Variants in PIEZO2 observed in about 807,000 individuals in gnomAD.
PIEZO2 encodes piezo-type mechanosensitive ion channel component 2.
Under a neutral mutation model 337.3 loss-of-function variants are expected in PIEZO2, and 172 were observed. The observed-to-expected ratio is 0.51, with a 90% CI of 0.45 to 0.58. PIEZO2 has a LOEUF of 0.58. PIEZO2 is among the 20% of genes least tolerant of loss of function. The pLI is 0.00. For synonymous variants in PIEZO2, 1,251 were observed against 1,228.5 expected (o/e 1.02, Z -0.38); for missense variants, 3,028 against 3,391.3 (o/e 0.89, Z 2.66).
chr18:10,691,524 G>T, intron 47 of PIEZO2, 141 bp from the exon 48 acceptor site: 1 of 844,898 alleles, frequency 1.2e-6, no homozygotes. Flanking sequence ...TCTACACATA[G>T]TGGATCACTT....
At position 11,002,189 on chromosome 18, in the gene PIEZO2, T is replaced by C. The variant is rs2035568864; in HGVS notation, c.161-22529A>G. Among the ~76,000 whole-genome samples, 1 of 152,220 alleles carries C rather than the reference T, an allele frequency of 6.6e-6. No homozygotes were observed. Among genetic ancestry groups the C allele is most frequent in the African/African-American group, 2.4e-5 (1 of 41,468 alleles). On this transcript the variant is annotated intron_variant, in intron 2 of 55. Transcript: ENST00000674853. This position sits in a 1 kb window ranked among gnomAD's most constrained non-coding sequence, Gnocchi z 4.3. ...ACATTTGAATTTCAGATAACTTTCATGCGCCACAAATAATTAATATTTTTC... is the reference window on the plus strand; with the variant it reads ...ACATTTGAATTTCAGATAACTTTCACGCGCCACAAATAATTAATATTTTTC...
intron 4 of PIEZO2, among the ~76,000 whole-genome samples, chr18:10,874,318 G>T (rs2042215019): frequency 6.6e-6 from 1 of 151,802 alleles, no homozygotes; most frequent in South Asian, 2.1e-4. Flanking sequence ...AAAAAAAAAT[G>T]CTGACAAGGA....
rs1414510899 is a variant in PIEZO2 at position 10,677,102 on chromosome 18, A to T, written c.8081+645T>A. Among the ~76,000 whole-genome samples the T allele has an allele frequency of 6.6e-6, 1 of 152,180 alleles. No homozygotes were observed. The highest frequency in any genetic ancestry group is 2.4e-5 in the African/African-American group (1 of 41,446). On this transcript the variant is annotated intron_variant, in intron 53 of 55. Transcript: ENST00000674853. The surrounding 1 kb of genome is among the most constrained non-coding windows in gnomAD (Gnocchi z 4.1). ...CAGCCACTCTGCAGACTGAAGACAG[A>T]CCTGGAAGAATAATGTCTGTCTCAA...
At chr18:10,959,883 T>G (rs1381986829) in intron 3 of PIEZO2, among the ~76,000 whole-genome samples, 1 of 152,174 alleles carries the variant, frequency 6.6e-6, no homozygotes, top group Non-Finnish European at 1.5e-5. Context: ...CCCTAGAAAC[T>G]TAGAATATCT....
At chr18:10,864,882 C>T (rs766695767) in intron 5 of PIEZO2, among the ~76,000 whole-genome samples, 3 of 152,174 alleles carry the variant, frequency 2.0e-5, no homozygotes, top group Non-Finnish European at 4.4e-5. Context: ...GAGTGAAGTA[C>T]ACAGCACAGC....
At chr18:11,086,031 TA>T (rs1568361429) in intron 1 of PIEZO2, among the ~76,000 whole-genome samples, 1 of 152,182 alleles carries the variant, frequency 6.6e-6, no homozygotes, top group African/African-American at 2.4e-5. Flanking sequence ...GAGTCATCAA[TA>T]AATATACGTT....
At chr18:10,749,828 G>A (rs1331616046) in intron 29 of PIEZO2, among the ~76,000 whole-genome samples, 1 of 152,168 alleles carries the variant, frequency 6.6e-6, no homozygotes, top group African/African-American at 2.4e-5. Flanking sequence ...AGTTACTACA[G>A]CACTACATCC....
chr18:10,712,806 T>C (rs1469939347), intron 39 of PIEZO2, among the ~76,000 whole-genome samples: 4 of 152,266 alleles, frequency 2.6e-5, no homozygotes, highest in Non-Finnish European at 5.9e-5. Flanking sequence ...TAATCAGTCA[T>C]TTTATTCTAT....
In PIEZO2 at chr18:11,003,671, G is replaced by A. The variant is rs528152999; in HGVS notation, c.161-24011C>T. Among the ~76,000 whole-genome samples, 1 of 152,258 alleles carries A rather than the reference G, an allele frequency of 6.6e-6. No homozygotes were observed. The highest frequency in any genetic ancestry group is 2.1e-4 in the South Asian group (1 of 4,824). ...TAGCCAGTACACCGTCCCATCTTGG[G>A]CACACTCACATACTAGCACACAGAC... is the stretch of plus-strand genomic sequence containing the variant. On this transcript the variant is annotated intron_variant, in intron 2 of 55. Coordinates refer to ENST00000674853, the MANE Select transcript of PIEZO2 (RefSeq NM_001378183.1). This position sits in a 1 kb window ranked among gnomAD's most constrained non-coding sequence, Gnocchi z 4.6.
intron 4 of PIEZO2, among the ~76,000 whole-genome samples, chr18:10,886,484 A>C (rs2042605544): frequency 1.4e-5 from 1 of 73,864 alleles, no homozygotes; most frequent in Non-Finnish European, 2.4e-5. Flanking sequence ...CAAATATCCA[A>C]ACCATATATA....
At chr18:11,043,463 T>G (rs2037192390) in intron 2 of PIEZO2, among the ~76,000 whole-genome samples, 1 of 152,216 alleles carries the variant, frequency 6.6e-6, no homozygotes, top group African/African-American at 2.4e-5. Context: ...CAATCATAAC[T>G]ACAACACAAA....
At chr18:10,922,423 C>CA (rs1461179710) in intron 3 of PIEZO2, among the ~76,000 whole-genome samples, 2 of 151,952 alleles carry the variant, frequency 1.3e-5, no homozygotes, top group East Asian at 3.9e-4. Flanking sequence ...GTGAGACAGA[C>CA]AAAGAGATGA....
intron 2 of PIEZO2, among the ~76,000 whole-genome samples, chr18:11,049,490 C>T (rs1199793906): frequency 6.6e-6 from 1 of 152,152 alleles, no homozygotes; most frequent in Admixed American, 6.5e-5. Flanking sequence ...CTGACACCAA[C>T]TCAAGTGAAC....
At chr18:11,026,299 C>G (rs866985847) in intron 2 of PIEZO2, among the ~76,000 whole-genome samples, 1 of 152,084 alleles carries the variant, frequency 6.6e-6, no homozygotes, top group African/African-American at 2.4e-5. Flanking sequence ...GCTCCATAAC[C>G]GAACAAGTAC....
chr18:10,750,205 G>T lies in PIEZO2; in HGVS notation c.4168-18C>A, dbSNP rs1162318559. Reference sequence around the variant, plus strand: ...GCTCCTATCTGAAAAACAAAAGAGGGGGATAATCCTGAAGCTCTGCAGCCA... The same window carrying T: ...GCTCCTATCTGAAAAACAAAAGAGGTGGATAATCCTGAAGCTCTGCAGCCA... On this transcript the variant is annotated intron_variant, in intron 28 of 55. Coordinates refer to ENST00000674853, the MANE Select transcript of PIEZO2 (RefSeq NM_001378183.1). The surrounding 1 kb of genome is among the most constrained non-coding windows in gnomAD (Gnocchi z 4.1). 3 of 1,513,570 alleles carry T rather than the reference G, an allele frequency of 2.0e-6. No individual in the cohort carries two copies. Among genetic ancestry groups the T allele is most frequent in the South Asian group, 1.2e-5 (1 of 83,554 alleles). The allele number at this position is 1,513,570 out of a possible 1,614,324, so 93.8% of individuals were successfully genotyped here.
At chr18:10,964,675 C>T (rs186368858) in intron 3 of PIEZO2, among the ~76,000 whole-genome samples, 126 of 152,312 alleles carry the variant, frequency 8.3e-4, no homozygotes, top group Non-Finnish European at 1.5e-3. Flanking sequence ...GTTCACCAGG[C>T]CATGCAACTA....
At position 10,752,889 on chromosome 18, in the gene PIEZO2, A is replaced by G; in HGVS notation, c.3924-10T>C. 1.3e-6 allele frequency: 2 copies of G among 1,523,766 alleles called. No individual in the cohort carries two copies. The highest frequency in any genetic ancestry group is 4.9e-5 in the East Asian group (2 of 40,674). 94.4% of individuals were successfully genotyped at this position (1,523,766 alleles called of 1,614,324 possible). ...CATGTCTAAGTAAGATCTGGAAAAC[A>G]AAGCCAGTGACAAAAAGACAACAAC... On this transcript the variant is annotated splice_polypyrimidine_tract_variant and intron_variant, in intron 27 of 55. Transcript: ENST00000674853.
chr18:10,951,526 G>A (rs114762163), intron 3 of PIEZO2, among the ~76,000 whole-genome samples: 1,649 of 152,236 alleles, frequency 0.011, 20 homozygotes, highest in African/African-American at 0.035. Context: ...TTTCTAAAAC[G>A]TCATCTGCTG....
chr18:11,108,515 G>A (rs1040118147), intron 1 of PIEZO2, among the ~76,000 whole-genome samples: 2 of 149,908 alleles, frequency 1.3e-5, no homozygotes, highest in Admixed American at 1.3e-4. Context: ...TCAGGAGGCT[G>A]AGGCAGGAGA....
Sources: gnomAD v4.1 joint callset for allele counts (sites outside exome capture counted in the v4.1 genomes callset) on GRCh38, gnomAD v4.1.1 for gene constraint, Gnocchi (gnomAD v3.1) non-coding constraint, MANE v1.5 for transcripts, NCBI Gene and HGNC (gene_info 2026-07-23, HGNC 2026-07-21) for gene names.